The following PTPRK variants were observed in gnomAD, a reference collection of about 807,000 sequenced individuals.
PTPRK encodes the protein protein tyrosine phosphatase receptor type K.
In PTPRK, 75 loss-of-function variants were observed where a neutral mutation model predicts 178.0. That is an observed-to-expected ratio of 0.42 (90% CI 0.35 to 0.51). PTPRK has a LOEUF of 0.51. PTPRK is among the 20% of genes least tolerant of loss of function. The probability of loss-of-function intolerance (pLI) is 0.02; values close to 1 mark genes in which losing one functional copy is unlikely to be tolerated. For synonymous variants in PTPRK, 637 were observed against 620.6 expected, an observed-to-expected ratio of 1.03 and a Z score of -0.39; for missense variants, 1,441 against 1,797.8, an observed-to-expected ratio of 0.80 and a Z score of 3.59.
chr6:128,396,684 AG>A (rs1358671625), intron 2 of PTPRK, among the ~76,000 whole-genome samples: 1 of 152,150 alleles, frequency 6.6e-6, no homozygotes, highest in Non-Finnish European at 1.5e-5. Context: ...CCAAAATCAA[AG>A]GATATAACAA....
At chr6:128,074,232 T>C (rs1370751382) in intron 11 of PTPRK, among the ~76,000 whole-genome samples, 1 of 152,066 alleles carries the variant, frequency 6.6e-6, no homozygotes, top group Non-Finnish European at 1.5e-5. Flanking sequence ...GGTAGCTTCC[T>C]GCAGCGCAAA....
At chr6:128,336,150 G>A (rs1830891108) in intron 2 of PTPRK, among the ~76,000 whole-genome samples, 1 of 150,892 alleles carries the variant, frequency 6.6e-6, no homozygotes, top group Admixed American at 6.6e-5. Flanking sequence ...AACATAACCA[G>A]AAAAGCTGCA....
intron 1 of PTPRK, among the ~76,000 whole-genome samples, chr6:128,516,638 G>A (rs1858075393): frequency 6.6e-6 from 1 of 152,172 alleles, no homozygotes; most frequent in Non-Finnish European, 1.5e-5. Flanking sequence ...GCTTAGATGA[G>A]TTACAGCATT....
At chr6:128,419,611 CAA>C (rs55706420) in intron 1 of PTPRK, among the ~76,000 whole-genome samples, 14 of 93,240 alleles carry the variant, frequency 1.5e-4, no homozygotes, top group African/African-American at 3.9e-4. Flanking sequence ...GACTCCGTCT[CAA>C]AAAAAAAAAA....
chr6:127,978,947 C>G (rs1460638668), intron 25 of PTPRK, among the ~76,000 whole-genome samples: 1 of 152,176 alleles, frequency 6.6e-6, no homozygotes, highest in Non-Finnish European at 1.5e-5. Context: ...TCCAACGGTT[C>G]ATTTGCACTA....
At chr6:128,346,354 T>A (rs1475260101) in intron 2 of PTPRK, among the ~76,000 whole-genome samples, 1 of 152,096 alleles carries the variant, frequency 6.6e-6, no homozygotes, top group African/African-American at 2.4e-5. Flanking sequence ...AAGCAGTCTT[T>A]TTTGTGTGAT....
chr6:128,206,547 A>G (rs1444481204), intron 6 of PTPRK, among the ~76,000 whole-genome samples: 2 of 152,140 alleles, frequency 1.3e-5, no homozygotes, highest in African/African-American at 4.8e-5. Flanking sequence ...CTGTAGATAA[A>G]CTAGATACTT....
chr6:128,079,016 T>A (rs554302427), intron 10 of PTPRK, 98 bp from the exon 11 acceptor site: 9 of 666,206 alleles, frequency 1.4e-5, no homozygotes, highest in East Asian at 1.0e-4. Context: ...GAAAAAAAAA[T>A]TCACCTAATT....
intron 6 of PTPRK, among the ~76,000 whole-genome samples, chr6:128,192,141 T>A (rs1397213374): frequency 6.6e-6 from 1 of 152,180 alleles, no homozygotes; most frequent in Non-Finnish European, 1.5e-5. Flanking sequence ...AGTAAAAACT[T>A]GATCAAAATA....
chr6:128,456,493 T>C (rs1848413855), intron 1 of PTPRK, among the ~76,000 whole-genome samples: 1 of 151,940 alleles, frequency 6.6e-6, no homozygotes, highest in Non-Finnish European at 1.5e-5. Flanking sequence ...TACTAGATAC[T>C]CTTTAATGCA....
chr6:128,323,977 T>C (rs1829201786), intron 2 of PTPRK, among the ~76,000 whole-genome samples: 1 of 152,124 alleles, frequency 6.6e-6, no homozygotes, highest in South Asian at 2.1e-4. Flanking sequence ...AAGCAGGATG[T>C]TTCTATTCTT....
intron 10 of PTPRK, among the ~76,000 whole-genome samples, chr6:128,082,170 A>G (rs906848410): frequency 2.0e-5 from 3 of 152,138 alleles, no homozygotes; most frequent in African/African-American, 7.2e-5. Context: ...TAGGATTTAT[A>G]ATGAATTTTG....
intron 2 of PTPRK, among the ~76,000 whole-genome samples, chr6:128,343,416 CT>C (rs1432129814): frequency 5.3e-5 from 8 of 150,814 alleles, no homozygotes; most frequent in Admixed American, 5.3e-4. Context: ...AGGAGAATCG[CT>C]TGAACCTGGA....
intron 3 of PTPRK, among the ~76,000 whole-genome samples, chr6:128,300,603 C>T (rs1369202847): frequency 2.7e-5 from 4 of 150,038 alleles, no homozygotes; most frequent in Non-Finnish European, 4.4e-5. Flanking sequence ...AGTAAACTAT[C>T]GCAAGAACAA....
At chr6:128,492,036 A>G (rs1853873629) in intron 1 of PTPRK, among the ~76,000 whole-genome samples, 1 of 152,130 alleles carries the variant, frequency 6.6e-6, no homozygotes, top group Non-Finnish European at 1.5e-5. Flanking sequence ...AAACTCTTCC[A>G]TATCATCAGG....
intron 5 of PTPRK, among the ~76,000 whole-genome samples, chr6:128,223,773 A>G (rs2128275088): frequency 6.6e-6 from 1 of 152,314 alleles, no homozygotes; most frequent in East Asian, 1.9e-4. Context: ...CAGAAAGATT[A>G]GAAATGTGAT....
intron 3 of PTPRK, among the ~76,000 whole-genome samples, chr6:128,277,071 C>A (rs141928237): frequency 6.6e-6 from 1 of 151,824 alleles, no homozygotes; most frequent in East Asian, 1.9e-4. Flanking sequence ...TGACCTCTGC[C>A]TGAAGAATCT....
At chr6:128,331,656 CT>C (rs1356431622) in intron 2 of PTPRK, among the ~76,000 whole-genome samples, 1 of 152,134 alleles carries the variant, frequency 6.6e-6, no homozygotes, top group Non-Finnish European at 1.5e-5. Flanking sequence ...GGATGCTTCT[CT>C]TCTAATGAGG....
At chr6:128,092,570 CTA>C (rs1046970776) in intron 7 of PTPRK, among the ~76,000 whole-genome samples, 2 of 152,172 alleles carry the variant, frequency 1.3e-5, no homozygotes, top group Non-Finnish European at 2.9e-5. Context: ...ACATGTACAT[CTA>C]TATGTGTGTA....
Sources: gnomAD v4.1 joint callset for allele counts (sites outside exome capture counted in the v4.1 genomes callset) on GRCh38, gnomAD v4.1.1 for gene constraint, MANE v1.5 for transcripts, NCBI Gene and HGNC (gene_info 2026-07-23, HGNC 2026-07-21) for gene names.